Variants in KCNK3 observed in about 807,000 individuals in gnomAD.
KCNK3 encodes the protein potassium two pore domain channel subfamily K member 3, also known as potassium channel subfamily K member 3.
A neutral mutation model predicts 27.3 loss-of-function variants in KCNK3; 9 were observed. The observed-to-expected ratio is 0.33, with a 90% CI of 0.20 to 0.57. The LOEUF (loss-of-function observed/expected upper bound fraction) is 0.57, where lower values mean the gene tolerates loss of function less well. Ranked by LOEUF, KCNK3 falls within the 20% of genes least tolerant of loss-of-function variation. The pLI, the probability that KCNK3 is intolerant of heterozygous loss-of-function variation, is 0.87. For missense variants in KCNK3, 391 were observed against 577.7 expected (o/e 0.68, Z 3.31); for synonymous variants, 278 against 273.8 (o/e 1.02, Z -0.15).
chr2:26,710,356 C>T (rs1009348811), intron 1 of KCNK3, among the ~76,000 whole-genome samples: 3 of 152,210 alleles, frequency 2.0e-5, no homozygotes, highest in Non-Finnish European at 4.4e-5. Context: ...CCTCCTTATC[C>T]TGATGGGTCA....
At chr2:26,708,425 G>C (rs1401329808) in intron 1 of KCNK3, among the ~76,000 whole-genome samples, 3 of 152,198 alleles carry the variant, frequency 2.0e-5, no homozygotes, top group Non-Finnish European at 4.4e-5. Context: ...TGTAATCCCA[G>C]CACTTTGAAA....
At chr2:26,701,352 G>A (rs1026697825) in intron 1 of KCNK3, among the ~76,000 whole-genome samples, 1 of 152,170 alleles carries the variant, frequency 6.6e-6, no homozygotes, top group Non-Finnish European at 1.5e-5. Context: ...GCTGTAGCTG[G>A]CACCGTGAGG....
intron 1 of KCNK3, among the ~76,000 whole-genome samples, chr2:26,710,675 T>C (rs1293522451): frequency 6.6e-6 from 1 of 152,154 alleles, no homozygotes; most frequent in African/African-American, 2.4e-5. Context: ...CTGTCTGGGA[T>C]GTCTGTAGCA....
In KCNK3 at chr2:26,693,161, A is replaced by G; in HGVS notation, c.283+3A>G. 7.6e-7 allele frequency: 1 copy of G among 1,316,202 alleles called. No individual in the cohort carries two copies. The highest frequency in any genetic ancestry group is 1.0e-6 in the Non-Finnish European group (1 of 996,246). The allele number at this position is 1,316,202 out of a possible 1,614,324, so 81.5% of individuals were successfully genotyped here. ...CATCACCGTCATCACCACCATCGGT[A>G]ACGGCTCGCCGGGCGGGGGGCGGGA... On this transcript the variant is annotated splice_donor_region_variant and intron_variant, in intron 1 of 1. Coordinates refer to ENST00000302909, the MANE Select transcript of KCNK3 (RefSeq NM_002246.3). This position sits in a 1 kb window ranked among gnomAD's most constrained non-coding sequence, Gnocchi z 5.5.
At chr2:26,712,322 G>T (rs911684543) in intron 1 of KCNK3, among the ~76,000 whole-genome samples, 2 of 152,304 alleles carry the variant, frequency 1.3e-5, no homozygotes, top group African/African-American at 4.8e-5. Context: ...GCAACCGAAG[G>T]CTTGTTCACT....
At chr2:26,705,251 A>G (rs1198818074) in intron 1 of KCNK3, among the ~76,000 whole-genome samples, 1 of 152,158 alleles carries the variant, frequency 6.6e-6, no homozygotes, top group Non-Finnish European at 1.5e-5. Flanking sequence ...GAGCCACTGC[A>G]TGTGGCCTGG....
chr2:26,711,341 G>A (rs141282542), intron 1 of KCNK3, among the ~76,000 whole-genome samples: 35 of 152,272 alleles, frequency 2.3e-4, no homozygotes, highest in African/African-American at 7.2e-4. Flanking sequence ...AAGGAACAGC[G>A]TGATTAACTC....
chr2:26,704,782 C>G (rs1670351908), intron 1 of KCNK3, among the ~76,000 whole-genome samples: 1 of 152,240 alleles, frequency 6.6e-6, no homozygotes. Flanking sequence ...ATGGATCTGC[C>G]CTGGACTGTT....
At chr2:26,702,522 C>T (rs1195273260) in intron 1 of KCNK3, among the ~76,000 whole-genome samples, 2 of 152,160 alleles carry the variant, frequency 1.3e-5, no homozygotes, top group Non-Finnish European at 2.9e-5. Context: ...GAACCAGCAG[C>T]AGTGGGTAAA....
At chr2:26,717,421 T>C (rs1663251513) in intron 1 of KCNK3, among the ~76,000 whole-genome samples, 1 of 152,148 alleles carries the variant, frequency 6.6e-6, no homozygotes, top group Non-Finnish European at 1.5e-5. Context: ...TGTAAATGTG[T>C]AAGACTCGGG....
intron 1 of KCNK3, among the ~76,000 whole-genome samples, chr2:26,710,053 G>A (rs995251749): frequency 2.0e-5 from 3 of 152,194 alleles, no homozygotes; most frequent in Admixed American, 6.5e-5. Context: ...GATCCTGCAC[G>A]TCTGTCCTCT....
rs538138902 is a variant in KCNK3, at chr2:26,693,980, G to C, written c.283+822G>C. ...GCGGGCACACACACACACACACACA[G>C]AGAGAGAGACAGAGAGAGAGAGAGA... On this transcript the variant is annotated intron_variant, in intron 1 of 1. Coordinates refer to ENST00000302909, the MANE Select transcript of KCNK3 (RefSeq NM_002246.3). This position sits in a 1 kb window ranked among gnomAD's most constrained non-coding sequence, Gnocchi z 5.5. Among the ~76,000 whole-genome samples the C allele has an allele frequency of 8.8e-3, 1,343 of 151,824 alleles. 8 individuals are homozygous for C. Among genetic ancestry groups the C allele is most frequent in the African/African-American group, 0.028 (1,173 of 41,426 alleles).
intron 1 of KCNK3, among the ~76,000 whole-genome samples, chr2:26,706,884 G>C (rs1670381637): frequency 6.6e-6 from 1 of 152,116 alleles, no homozygotes; most frequent in Admixed American, 6.5e-5. Flanking sequence ...TGAAACCTGG[G>C]GCGAGTCATA....
chr2:26,700,124 C>G (rs1256520685), intron 1 of KCNK3, among the ~76,000 whole-genome samples: 1 of 152,210 alleles, frequency 6.6e-6, no homozygotes, highest in Non-Finnish European at 1.5e-5. Flanking sequence ...AGCTCCAATC[C>G]TCTCAGTTCA....
intron 1 of KCNK3, among the ~76,000 whole-genome samples, chr2:26,711,777 T>C (rs917901260): frequency 7.9e-5 from 12 of 152,122 alleles, no homozygotes; most frequent in African/African-American, 2.7e-4. Context: ...TGTTTTGAAT[T>C]GGAGAGGAGG....
chr2:26,723,729 A>G (rs1478421753), intron 1 of KCNK3, among the ~76,000 whole-genome samples: 2 of 152,240 alleles, frequency 1.3e-5, no homozygotes, highest in African/African-American at 4.8e-5. Flanking sequence ...AATGATGGCT[A>G]AGGGTATTTC....
intron 1 of KCNK3, among the ~76,000 whole-genome samples, chr2:26,725,586 G>T (rs1032081960): frequency 6.6e-6 from 1 of 152,160 alleles, no homozygotes; most frequent in South Asian, 2.1e-4. Context: ...CCCAGTTGTC[G>T]AGGTGAGTTG....
At chr2:26,712,681 G>A (rs1663146979) in intron 1 of KCNK3, among the ~76,000 whole-genome samples, 1 of 151,922 alleles carries the variant, frequency 6.6e-6, no homozygotes, top group South Asian at 2.1e-4. Context: ...GTGTGTGTGT[G>A]TGTGTGTGTG....
At position 26,713,777 on chromosome 2, in the gene KCNK3, C is replaced by CA. The variant is rs111240045; in HGVS notation, c.284-13875dup. On this transcript the variant is annotated intron_variant, in intron 1 of 1. Transcript: ENST00000302909. Reference sequence around the variant, plus strand: ...TGGGCGAAAAAGCGAGAATCCATCTCAAAAAAAAAAAAAAAGGGCTGGGTG... The same window carrying CA: ...TGGGCGAAAAAGCGAGAATCCATCTCAAAAAAAAAAAAAAAAGGGCTGGGTG... 6.1e-3 allele frequency among the ~76,000 whole-genome samples: 583 copies of CA among 95,654 alleles called. 6 individuals are homozygous for CA. The highest frequency in any genetic ancestry group is 0.016 in the Middle Eastern group (2 of 122). 62.8% of individuals were successfully genotyped at this position (95,654 alleles called of 152,430 possible). A position where few individuals can be genotyped will look rare whatever the true frequency, so the allele number is the denominator to read the frequency against.
Sources: gnomAD v4.1 joint callset for allele counts (sites outside exome capture counted in the v4.1 genomes callset) on GRCh38, gnomAD v4.1.1 for gene constraint, Gnocchi (gnomAD v3.1) non-coding constraint, MANE v1.5 for transcripts, NCBI Gene and HGNC (gene_info 2026-07-23, HGNC 2026-07-21) for gene names.